EYS: variants seen among roughly 807,000 people sequenced by gnomAD.
The protein encoded by EYS is protein eyes shut homolog.
Under a neutral mutation model 282.1 loss-of-function variants are expected in EYS, and 250 were observed. The observed-to-expected ratio is 0.89, with a 90% confidence interval of 0.80 to 0.98. The LOEUF (loss-of-function observed/expected upper bound fraction) is 0.98, where lower values mean the gene tolerates loss of function less well. Among genes scored for constraint, EYS ranks in the 50% least tolerant of loss-of-function variants. The pLI is 0.00. For missense variants in EYS, 4,016 were observed against 3,709.0 expected (o/e 1.08, Z -2.15); for synonymous variants, 1,355 against 1,282.9 (o/e 1.06, Z -1.20).
At chr6:65,676,657 T>C (rs1289602267) in intron 1 of EYS, among the ~76,000 whole-genome samples, 1 of 151,982 alleles carries the variant, frequency 6.6e-6, no homozygotes, top group South Asian at 2.1e-4. Context: ...TCAATCTTTT[T>C]CCACTTGCTA....
chr6:64,023,829 C>T (rs183767755), intron 33 of EYS, among the ~76,000 whole-genome samples: 17 of 152,272 alleles, frequency 1.1e-4, no homozygotes, highest in South Asian at 2.1e-4. Context: ...CGGGCCAGCG[C>T]GAGTTCCAGG....
At chr6:64,268,294 CAA>C (rs1767824815) in intron 30 of EYS, among the ~76,000 whole-genome samples, 1 of 151,864 alleles carries the variant, frequency 6.6e-6, no homozygotes, top group Non-Finnish European at 1.5e-5. Context: ...TTTAGGAAAA[CAA>C]GAGGCTATAT....
At chr6:64,501,238 A>C (rs1777032425) in intron 26 of EYS, among the ~76,000 whole-genome samples, 1 of 152,062 alleles carries the variant, frequency 6.6e-6, no homozygotes, top group Admixed American at 6.6e-5. Flanking sequence ...TATTCAGCAT[A>C]AGTGAAACAA....
chr6:64,599,158 T>G (rs76034341), intron 24 of EYS, among the ~76,000 whole-genome samples: 14,918 of 152,254 alleles, frequency 0.098, 903 homozygotes, highest in East Asian at 0.17. Flanking sequence ...AGGAAGCCAT[T>G]GGAATATTTG....
chr6:63,927,736 G>C (rs2149748385), intron 35 of EYS, among the ~76,000 whole-genome samples: 1 of 152,364 alleles, frequency 6.6e-6, no homozygotes, highest in Admixed American at 6.5e-5. Context: ...TTAAGCAGAT[G>C]CTAGAAACAG....
chr6:65,347,194 G>A (rs1014695588), intron 9 of EYS, among the ~76,000 whole-genome samples: 5 of 151,772 alleles, frequency 3.3e-5, no homozygotes, highest in Admixed American at 1.3e-4. Flanking sequence ...ACCAGGCTAA[G>A]AGGAGAAAAA....
intron 19 of EYS, among the ~76,000 whole-genome samples, chr6:64,877,695 A>G: frequency 6.6e-6 from 1 of 152,316 alleles, no homozygotes; most frequent in African/African-American, 2.4e-5. Flanking sequence ...GGATTAAAGC[A>G]TGATTGGAAG....
intron 31 of EYS, among the ~76,000 whole-genome samples, chr6:64,197,618 C>T (rs1369998026): frequency 6.6e-6 from 1 of 152,142 alleles, no homozygotes; most frequent in Admixed American, 6.5e-5. Context: ...TTTATCTCTA[C>T]ATGGCTTGCT....
chr6:63,816,497 T>C (rs1209462761), intron 36 of EYS, among the ~76,000 whole-genome samples: 2 of 152,214 alleles, frequency 1.3e-5, no homozygotes, highest in Non-Finnish European at 2.9e-5. Flanking sequence ...GTGGGAGGGC[T>C]GGAGAACTAG....
At chr6:63,729,208 C>T (rs1313023093) in intron 41 of EYS, among the ~76,000 whole-genome samples, 2 of 152,044 alleles carry the variant, frequency 1.3e-5, no homozygotes, top group East Asian at 3.8e-4. Context: ...TCCTTGTTTA[C>T]TTTGGATAGC....
chr6:64,395,973 A>G (rs1297522317), intron 28 of EYS, among the ~76,000 whole-genome samples: 1 of 151,954 alleles, frequency 6.6e-6, no homozygotes, highest in African/African-American at 2.4e-5. Context: ...GAAATATTAT[A>G]TTGTGAACAT....
At chr6:64,662,738 A>T (rs1769086391) in intron 22 of EYS, among the ~76,000 whole-genome samples, 1 of 152,190 alleles carries the variant, frequency 6.6e-6, no homozygotes, top group African/African-American at 2.4e-5. Context: ...TACATAATAT[A>T]TTGAGATAGT....
At chr6:65,091,560 A>G (rs1402705401) in intron 12 of EYS, among the ~76,000 whole-genome samples, 1 of 152,156 alleles carries the variant, frequency 6.6e-6, no homozygotes, top group Non-Finnish European at 1.5e-5. Context: ...CTGACAACAA[A>G]TGAGCTGAAT....
chr6:64,432,737 T>C (rs1248421742), intron 28 of EYS, among the ~76,000 whole-genome samples: 2 of 152,008 alleles, frequency 1.3e-5, no homozygotes, highest in Non-Finnish European at 2.9e-5. Flanking sequence ...CAGCACCTTC[T>C]ACCTTAATGT....
At position 65,604,842 on chromosome 6, in the gene EYS, C is replaced by CTT. The variant is rs10583844; in HGVS notation, c.-333+34934_-333+34935dup. ...AAAAGACCTTTAAATTCACTGCCCC[C>CTT]TTTTTTTTTTTTTTTTTTTGAGACA... On this transcript the variant is annotated intron_variant, in intron 2 of 42. Transcript: ENST00000503581. 6.3e-3 allele frequency among the ~76,000 whole-genome samples: 817 copies of CTT among 130,344 alleles called. 13 individuals are homozygous for CTT. The highest frequency in any genetic ancestry group is 0.013 in the African/African-American group (463 of 36,030). 85.5% of individuals were successfully genotyped at this position (130,344 alleles called of 152,430 possible).
chr6:64,014,660 A>G (rs1768801909), intron 33 of EYS, among the ~76,000 whole-genome samples: 1 of 152,180 alleles, frequency 6.6e-6, no homozygotes, highest in African/African-American at 2.4e-5. Flanking sequence ...TAAGTGTAAA[A>G]AGGCTACAGT....
chr6:65,166,636 T>C (rs1235595889), intron 12 of EYS, among the ~76,000 whole-genome samples: 1 of 151,222 alleles, frequency 6.6e-6, no homozygotes, highest in Non-Finnish European at 1.5e-5. Flanking sequence ...AATCTATGAA[T>C]ACACCTTCAT....
intron 12 of EYS, among the ~76,000 whole-genome samples, chr6:65,080,160 C>T (rs957232118): frequency 4.6e-5 from 7 of 152,044 alleles, no homozygotes; most frequent in South Asian, 2.1e-4. Flanking sequence ...GAAAACATCA[C>T]TACATTCATC....
chr6:64,680,029 A>G (rs1449082675), intron 22 of EYS, among the ~76,000 whole-genome samples: 3 of 152,230 alleles, frequency 2.0e-5, no homozygotes, highest in Non-Finnish European at 4.4e-5. Flanking sequence ...TCAAAATAAA[A>G]TAATTCTTTT....
Sources: gnomAD v4.1 joint callset for allele counts (sites outside exome capture counted in the v4.1 genomes callset) on GRCh38, gnomAD v4.1.1 for gene constraint, MANE v1.5 for transcripts, NCBI Gene and HGNC (gene_info 2026-07-23, HGNC 2026-07-21) for gene names.